The following CPNE8 variants were observed in gnomAD, a reference collection of about 807,000 sequenced individuals.
CPNE8 encodes the protein copine-8.
Under a neutral mutation model 81.5 loss-of-function variants are expected in CPNE8, and 45 were observed. The observed-to-expected ratio is 0.55, with a 90% confidence interval of 0.44 to 0.71. CPNE8 has a LOEUF of 0.71. Ranked by LOEUF, CPNE8 falls within the 30% of genes least tolerant of loss-of-function variation. The pLI is 0.00. For missense variants in CPNE8, 594 were observed against 672.1 expected, an observed-to-expected ratio of 0.88 and a Z score of 1.28; for synonymous variants, 252 against 226.3, an observed-to-expected ratio of 1.11 and a Z score of -1.02.
At chr12:38,736,637 T>C (rs1940960850) in intron 10 of CPNE8, among the ~76,000 whole-genome samples, 1 of 152,058 alleles carries the variant, frequency 6.6e-6, no homozygotes, top group South Asian at 2.1e-4. Flanking sequence ...AGTATACTTT[T>C]AAAATATAAA....
chr12:38,724,335 A>G (rs1364381228), intron 12 of CPNE8, among the ~76,000 whole-genome samples: 1 of 147,796 alleles, frequency 6.8e-6, no homozygotes, highest in Non-Finnish European at 1.5e-5. Flanking sequence ...AAAACTCTGC[A>G]GTATTTTTTC....
At position 38,771,231 on chromosome 12, in the gene CPNE8, G is replaced by A. The variant is rs149865999; in HGVS notation, c.472-3493C>T. ...CCCAGCGCTTTGGGAGGGCAAGGGGGGCTTGGATCACTTGAGTCTGGGAGT... is the reference window on the plus strand; with the variant it reads ...CCCAGCGCTTTGGGAGGGCAAGGGGAGCTTGGATCACTTGAGTCTGGGAGT... On this transcript the variant is annotated intron_variant, in intron 7 of 19. Transcript: ENST00000331366. Among the ~76,000 whole-genome samples the A allele has an allele frequency of 6.9e-4, 105 of 152,018 alleles. No individual in the cohort carries two copies. The East Asian group carries it at 0.01, about 15-fold the overall frequency.
At chr12:38,786,448 C>T (rs768525567) in intron 6 of CPNE8, among the ~76,000 whole-genome samples, 5 of 152,108 alleles carry the variant, frequency 3.3e-5, no homozygotes, top group Non-Finnish European at 5.9e-5. Flanking sequence ...GCCTAACCTC[C>T]CAGCCTACAT....
intron 15 of CPNE8, among the ~76,000 whole-genome samples, chr12:38,690,333 A>G (rs1315276714): frequency 1.3e-5 from 2 of 152,222 alleles, no homozygotes; most frequent in Non-Finnish European, 2.9e-5. Context: ...CAAGAATGAA[A>G]TCAAATACTA....
chr12:38,811,072 C>T (rs77662353), intron 6 of CPNE8, among the ~76,000 whole-genome samples: 1,971 of 152,164 alleles, frequency 0.013, 47 homozygotes, highest in African/African-American at 0.044. Flanking sequence ...TCCTGCCATG[C>T]AAAGTAGCCT....
chr12:38,727,704 G>C (rs1373364736), intron 11 of CPNE8, among the ~76,000 whole-genome samples: 1 of 151,766 alleles, frequency 6.6e-6, no homozygotes, highest in Non-Finnish European at 1.5e-5. Context: ...TATAATCTGA[G>C]GCAAGTAAGA....
chr12:38,890,516 A>T (rs1350681580), intron 1 of CPNE8, among the ~76,000 whole-genome samples: 2 of 152,016 alleles, frequency 1.3e-5, no homozygotes, highest in African/African-American at 4.8e-5. Flanking sequence ...TTGGATTTTG[A>T]CTTTTCTAAA....
At chr12:38,673,018 AC>A (rs1939210716) in intron 18 of CPNE8, among the ~76,000 whole-genome samples, 1 of 152,032 alleles carries the variant, frequency 6.6e-6, no homozygotes, top group African/African-American at 2.4e-5. Flanking sequence ...TGAGGGAGGG[AC>A]CTGTAATCCC....
chr12:38,802,765 C>T (rs1337284006), intron 6 of CPNE8, among the ~76,000 whole-genome samples: 16 of 145,452 alleles, frequency 1.1e-4, no homozygotes, highest in Non-Finnish European at 2.3e-4. Context: ...GCTAGCAAGA[C>T]TAATAAAGAA....
intron 19 of CPNE8, among the ~76,000 whole-genome samples, chr12:38,668,159 T>C (rs1202048982): frequency 6.6e-6 from 1 of 152,210 alleles, no homozygotes; most frequent in Non-Finnish European, 1.5e-5. Context: ...CCTATGCTAT[T>C]GGTAAGTAAC....
intron 13 of CPNE8, among the ~76,000 whole-genome samples, chr12:38,715,939 G>A (rs1187389451): frequency 6.6e-6 from 1 of 152,068 alleles, no homozygotes; most frequent in African/African-American, 2.4e-5. Context: ...AACGAATTCA[G>A]TAAAGTCTCA....
At position 38,664,754 on chromosome 12, in the gene CPNE8, A is replaced by C. The variant is rs1939030165; in HGVS notation, c.1506+5975T>G. On this transcript the variant is annotated intron_variant, in intron 19 of 19. Transcript: ENST00000331366. ...CTTCTTTAAAACATGTTTATAAATA[A>C]TAGGTAAAAAAGAAATCCTCAATTT... Among the ~76,000 whole-genome samples, 5 of 152,158 alleles carry C rather than the reference A, an allele frequency of 3.3e-5. No individual in the cohort carries two copies. The South Asian group carries it at 1.0e-3, about 31-fold the overall frequency.
At chr12:38,701,995 G>A (rs826886) in intron 14 of CPNE8, among the ~76,000 whole-genome samples, 78,566 of 151,944 alleles carry the variant, frequency 0.52, 21,439 homozygotes, top group East Asian at 0.81. Flanking sequence ...GAATGTCCTC[G>A]CTTGTATAAG....
intron 10 of CPNE8, among the ~76,000 whole-genome samples, chr12:38,738,267 A>G (rs1444601684): frequency 1.3e-5 from 2 of 152,208 alleles, no homozygotes; most frequent in African/African-American, 4.8e-5. Context: ...TTTGGAAAAC[A>G]TCCTTTGATC....
At chr12:38,669,904 C>T (rs1442730002) in intron 19 of CPNE8, among the ~76,000 whole-genome samples, 2 of 152,074 alleles carry the variant, frequency 1.3e-5, no homozygotes, top group African/African-American at 2.4e-5. Flanking sequence ...ACTCTCCCTC[C>T]CAGGTAAGCA....
intron 10 of CPNE8, among the ~76,000 whole-genome samples, chr12:38,756,671 C>G (rs1310248340): frequency 6.6e-6 from 1 of 152,180 alleles, no homozygotes; most frequent in Admixed American, 6.5e-5. Context: ...ATACAGATAT[C>G]TGACCAGCTT....
intron 12 of CPNE8, 25 bp from the exon 13 acceptor site, chr12:38,723,858 C>T (rs748172590): frequency 1.4e-6 from 2 of 1,407,546 alleles, no homozygotes; most frequent in South Asian, 2.3e-5. Context: ...GACAGAATTA[C>T]CTTCTAGTTG....
chr12:38,663,946 G>A (rs1354825723), intron 19 of CPNE8, among the ~76,000 whole-genome samples: 1 of 152,068 alleles, frequency 6.6e-6, no homozygotes, highest in Non-Finnish European at 1.5e-5. Context: ...ATAGAGAGTA[G>A]AATAGTGGTT....
intron 19 of CPNE8, among the ~76,000 whole-genome samples, chr12:38,657,498 T>G (rs1938848124): frequency 6.6e-6 from 1 of 152,156 alleles, no homozygotes; most frequent in Non-Finnish European, 1.5e-5. Flanking sequence ...TAAACATCCC[T>G]GTCTGACAGC....
Sources: allele counts gnomAD v4.1 joint callset (sites outside exome capture counted in the v4.1 genomes callset), GRCh38; gene constraint gnomAD v4.1.1; transcripts MANE v1.5; gene names NCBI Gene and HGNC (gene_info 2026-07-23, HGNC 2026-07-21).